The following HYDIN variants were observed in gnomAD, a reference collection of about 807,000 sequenced individuals.
HYDIN encodes axonemal central pair apparatus protein HYDIN.
In HYDIN, 132 loss-of-function variants were observed where a neutral mutation model predicts 403.9. The ratio of observed to expected loss-of-function variants is 0.33; its 90% CI spans 0.28 to 0.38. The LOEUF is 0.38. HYDIN is among the 10% of genes least tolerant of loss of function. The pLI is 1.00. For missense variants in HYDIN, 2,827 were observed against 5,009.5 expected, an observed-to-expected ratio of 0.56 and a Z score of 13.15; for synonymous variants, 1,202 against 1,891.7, an observed-to-expected ratio of 0.64 and a Z score of 9.46.
intron 8 of HYDIN, among the ~76,000 whole-genome samples, chr16:71,130,139 G>A (rs1348412137): frequency 6.6e-6 from 1 of 152,200 alleles, no homozygotes; most frequent in African/African-American, 2.4e-5. Flanking sequence ...TGTTTTCCAG[G>A]CTGCTTTTTA....
At chr16:71,157,279 T>C (rs2085810027) in intron 6 of HYDIN, among the ~76,000 whole-genome samples, 1 of 151,306 alleles carries the variant, frequency 6.6e-6, no homozygotes, top group Non-Finnish European at 1.5e-5. Flanking sequence ...GGATGATCTG[T>C]TTTTTTAAAC....
At chr16:70,990,293 G>A (rs1285237058) in intron 25 of HYDIN, among the ~76,000 whole-genome samples, 3 of 145,994 alleles carry the variant, frequency 2.1e-5, no homozygotes, top group Non-Finnish European at 4.5e-5. Flanking sequence ...TATTTGGGAG[G>A]CTGAAGCACG....
At chr16:70,967,219 G>A (rs369241908) in intron 36 of HYDIN, among the ~76,000 whole-genome samples, 5 of 152,252 alleles carry the variant, frequency 3.3e-5, no homozygotes, top group African/African-American at 1.2e-4. Flanking sequence ...ACAGCACAGA[G>A]GCCTCACCAT....
chr16:70,878,194 A>G (rs1028506877), intron 62 of HYDIN, among the ~76,000 whole-genome samples: 1 of 151,528 alleles, frequency 6.6e-6, no homozygotes, highest in African/African-American at 2.4e-5. Flanking sequence ...TATAAATGGG[A>G]GTTCCCCTGC....
At chr16:70,931,023 A>G (rs371144014) in intron 45 of HYDIN, among the ~76,000 whole-genome samples, 2 of 152,166 alleles carry the variant, frequency 1.3e-5, no homozygotes, top group South Asian at 2.1e-4. Flanking sequence ...ATGATCAGTA[A>G]GGCAGAAGGA....
At chr16:71,195,206 C>T (rs1000264252) in intron 1 of HYDIN, among the ~76,000 whole-genome samples, 2 of 151,592 alleles carry the variant, frequency 1.3e-5, no homozygotes, top group African/African-American at 2.4e-5. Context: ...TTGCACAGTG[C>T]CTGGCACGTA....
chr16:71,168,787 A>G (rs1417149806), intron 5 of HYDIN, among the ~76,000 whole-genome samples: 1 of 152,136 alleles, frequency 6.6e-6, no homozygotes, highest in East Asian at 1.9e-4. Context: ...TTGGAGTCCT[A>G]CTCACATCTC....
At chr16:71,045,036 C>G (rs938931985) in intron 18 of HYDIN, among the ~76,000 whole-genome samples, 22 of 151,778 alleles carry the variant, frequency 1.4e-4, no homozygotes, top group Non-Finnish European at 4.4e-5. Flanking sequence ...TTCAGAGTCC[C>G]AACCAAAAGT....
At chr16:71,094,712 G>T (rs1436075684) in intron 10 of HYDIN, among the ~76,000 whole-genome samples, 7 of 152,284 alleles carry the variant, frequency 4.6e-5, no homozygotes, top group Admixed American at 3.3e-4. Flanking sequence ...CACTTGCATG[G>T]AGTCAAATTT....
chr16:71,116,280 C>T (rs911767055), intron 9 of HYDIN, among the ~76,000 whole-genome samples: 3 of 137,866 alleles, frequency 2.2e-5, no homozygotes, highest in Non-Finnish European at 4.6e-5. Context: ...TGAGTGAGAT[C>T]ATGTGGTATT....
At chr16:71,089,793 G>A (rs1286361147) in intron 11 of HYDIN, among the ~76,000 whole-genome samples, 1 of 151,794 alleles carries the variant, frequency 6.6e-6, no homozygotes, top group Non-Finnish European at 1.5e-5. Flanking sequence ...GGTGAAAGGT[G>A]AGAATGGGAG....
intron 18 of HYDIN, among the ~76,000 whole-genome samples, chr16:71,043,292 G>A (rs1323854846): frequency 1.3e-5 from 2 of 149,652 alleles, no homozygotes; most frequent in Admixed American, 6.7e-5. Flanking sequence ...TCCATCCACC[G>A]TGCAGCATAT....
rs564468655 is a variant in HYDIN, at chr16:71,020,352, T to C, written c.3187-35A>G. 33 of 1,600,834 alleles carry C rather than the reference T, an allele frequency of 2.1e-5. No individual in the cohort carries two copies. In the South Asian group the frequency reaches 2.6e-4, roughly 13 times the overall value. On this transcript the variant is annotated intron_variant, in intron 21 of 85. Coordinates refer to ENST00000393567, the MANE Select transcript of HYDIN (RefSeq NM_001270974.2). ...CAGAAAAAGAGGAAACAAATCAACT[T>C]ATGGTAAATACAGTAAGCTTTTAGC...
In HYDIN at chr16:70,908,655, G is replaced by C. The variant is rs533456252; in HGVS notation, c.8211C>G (p.Thr2737=). Residue 2737 remains threonine, a splice_region_variant and synonymous_variant, in exon 48 of 86, where the codon ACC becomes ACG. Coordinates refer to ENST00000393567, the MANE Select transcript of HYDIN (RefSeq NM_001270974.2). ...FNGQHSQEKF[T]RLNHFRWIVP... ...CCCTGGGTTGCTGGAAGGCCCACCT[G>C]GTGAATTTCTCCTGGGAGTGCTGCC... The C allele has an allele frequency of 1.9e-6, 3 of 1,577,562 alleles. No individual in the cohort carries two copies. In the South Asian group the frequency reaches 3.4e-5, roughly 18 times the overall value.
rs1385851490 is a variant in HYDIN at position 70,920,720 on chromosome 16, C to T, written c.7656G>A (p.Gly2552=). ...LEERSDWEGE[G]EEDHEGKKEK... ...CCTTCTTCCCTTCGTGGTCCTCCTC[C>T]CCTTCCCCCTCCCAGTCGCTCCGCT... Residue 2552 remains glycine, a synonymous_variant, in exon 46 of 86, where the codon GGG becomes GGA. Coordinates refer to ENST00000393567, the MANE Select transcript of HYDIN (RefSeq NM_001270974.2). 6.3e-7 allele frequency: 1 copy of T among 1,593,358 alleles called. No homozygotes were observed. The highest frequency in any genetic ancestry group is 8.6e-7 in the Non-Finnish European group (1 of 1,169,216).
intron 80 of HYDIN, among the ~76,000 whole-genome samples, chr16:70,832,644 A>G (rs2037088154): frequency 2.0e-5 from 3 of 152,272 alleles, no homozygotes; most frequent in East Asian, 3.8e-4. Flanking sequence ...TTCCTTGAGA[A>G]TGTAATGTTT....
In HYDIN at chr16:70,806,615, C is replaced by T. The variant is rs1014963173; in HGVS notation, c.*965G>A. 2.0e-5 allele frequency among the ~76,000 whole-genome samples: 3 copies of T among 152,112 alleles called. No individual in the cohort carries two copies. Among genetic ancestry groups the T allele is most frequent in the African/African-American group, 7.2e-5 (3 of 41,412 alleles). The stretch of plus-strand genomic sequence containing the variant: ...ACCCACTTCTTTACGGCATTCATTC[C>T]CAAGAGGCCATCTTCTTCCAGTCTC... On this transcript the variant is annotated 3_prime_UTR_variant, in exon 86 of 86. Coordinates refer to ENST00000393567, the MANE Select transcript of HYDIN (RefSeq NM_001270974.2).
chr16:70,841,715 T>C (rs551632837), intron 75 of HYDIN, among the ~76,000 whole-genome samples: 1 of 152,254 alleles, frequency 6.6e-6, no homozygotes, highest in South Asian at 2.1e-4. Flanking sequence ...TGTCTCTCTC[T>C]TCCTCCTGCC....
intron 41 of HYDIN, among the ~76,000 whole-genome samples, chr16:70,945,716 C>G (rs1051272200): frequency 2.0e-5 from 3 of 152,014 alleles, no homozygotes; most frequent in East Asian, 1.9e-4. Context: ...GAAAGCCACA[C>G]GAAGAAAGCG....
Sources: gnomAD v4.1 joint callset for allele counts (sites outside exome capture counted in the v4.1 genomes callset) on GRCh38, gnomAD v4.1.1 for gene constraint, MANE v1.5 for transcripts, NCBI Gene and HGNC (gene_info 2026-07-23, HGNC 2026-07-21) for gene names.